Variants in NALF1 observed in about 807,000 individuals in gnomAD.
NALF1 encodes the protein family with sequence similarity 155 member A.
In NALF1, 3 loss-of-function variants were observed where a neutral mutation model predicts 48.4. That is an observed-to-expected ratio of 0.06 (90% CI 0.03 to 0.16). The LOEUF is 0.16. NALF1 is among the 10% of genes least tolerant of loss of function. The pLI is 1.00. For missense variants in NALF1, 526 were observed against 571.5 expected (o/e 0.92, Z 0.81); for synonymous variants, 262 against 245.7 (o/e 1.07, Z -0.62).
intron 1 of NALF1, among the ~76,000 whole-genome samples, chr13:107,475,094 C>T (rs1195410079): frequency 1.3e-5 from 2 of 152,090 alleles, no homozygotes; most frequent in Non-Finnish European, 2.9e-5. Flanking sequence ...CCAAGAAGGG[C>T]ACTCACATTT....
At chr13:107,412,649 C>T (rs1884012131) in intron 1 of NALF1, among the ~76,000 whole-genome samples, 1 of 152,180 alleles carries the variant, frequency 6.6e-6, no homozygotes, top group Non-Finnish European at 1.5e-5. Flanking sequence ...TTTCATGTCA[C>T]TGTCATATTA....
intron 1 of NALF1, among the ~76,000 whole-genome samples, chr13:107,339,223 TA>T (rs1485241715): frequency 6.6e-6 from 1 of 152,012 alleles, no homozygotes; most frequent in Non-Finnish European, 1.5e-5. Context: ...TTTTATATTT[TA>T]AAAACCTTTA....
At chr13:107,606,335 T>G (rs1879068616) in intron 1 of NALF1, among the ~76,000 whole-genome samples, 1 of 151,306 alleles carries the variant, frequency 6.6e-6, no homozygotes, top group South Asian at 2.1e-4. Flanking sequence ...TTTATATATG[T>G]ATATACACAC....
At chr13:107,815,975 G>A (rs1879151582) in intron 1 of NALF1, among the ~76,000 whole-genome samples, 2 of 152,112 alleles carry the variant, frequency 1.3e-5, no homozygotes, top group Admixed American at 1.3e-4. Context: ...TAGGATTGGG[G>A]GTATTAAAAG....
intron 1 of NALF1, among the ~76,000 whole-genome samples, chr13:107,469,191 G>T (rs991154778): frequency 1.3e-5 from 2 of 151,974 alleles, no homozygotes; most frequent in African/African-American, 4.8e-5. Context: ...ATTCAACAAG[G>T]TATTCTATTT....
At chr13:107,552,676 A>G (rs1198684826) in intron 1 of NALF1, among the ~76,000 whole-genome samples, 1 of 152,148 alleles carries the variant, frequency 6.6e-6, no homozygotes, top group Non-Finnish European at 1.5e-5. Flanking sequence ...TCAAGGCACT[A>G]TAACACATAT....
intron 1 of NALF1, among the ~76,000 whole-genome samples, chr13:107,601,791 A>C (rs1878937054): frequency 1.3e-5 from 2 of 152,132 alleles, no homozygotes; most frequent in South Asian, 4.1e-4. Context: ...AAAAAGGTGG[A>C]AATAGAGTAT....
chr13:107,596,628 A>C (rs1371209205), intron 1 of NALF1, among the ~76,000 whole-genome samples: 1 of 152,152 alleles, frequency 6.6e-6, no homozygotes, highest in East Asian at 1.9e-4. Context: ...CAACGAGAAC[A>C]CATGGATACA....
At position 107,213,729 on chromosome 13, in the gene NALF1, G is replaced by T. The variant is rs774029583; in HGVS notation, c.916-2974C>A. Among the ~76,000 whole-genome samples the T allele has an allele frequency of 2.6e-5, 4 of 152,134 alleles. No individual in the cohort carries two copies. In the East Asian group the frequency reaches 5.8e-4, roughly 22 times the overall value. On this transcript the variant is annotated intron_variant, in intron 1 of 2. Transcript: ENST00000375915. ...TTTCAGAATAAACTGGTAAAAGTTC[G>T]CATGGGAAGTAAACAAAAATTCTTC...
chr13:107,531,457 G>A (rs1876636437), intron 1 of NALF1, among the ~76,000 whole-genome samples: 1 of 152,050 alleles, frequency 6.6e-6, no homozygotes. Flanking sequence ...GCAGATGCCA[G>A]AACCATGGGT....
chr13:107,645,069 T>C (rs1880279396), intron 1 of NALF1, among the ~76,000 whole-genome samples: 1 of 152,154 alleles, frequency 6.6e-6, no homozygotes, highest in Admixed American at 6.6e-5. Flanking sequence ...GAGTTTCCAG[T>C]TTTAGACTAT....
At chr13:107,591,097 C>T (rs1385997481) in intron 1 of NALF1, among the ~76,000 whole-genome samples, 2 of 151,830 alleles carry the variant, frequency 1.3e-5, no homozygotes, top group Admixed American at 6.6e-5. Context: ...GATCCAAATG[C>T]CTAATGGAAG....
At chr13:107,656,422 A>C (rs1457000620) in intron 1 of NALF1, among the ~76,000 whole-genome samples, 2 of 152,152 alleles carry the variant, frequency 1.3e-5, no homozygotes, top group Admixed American at 6.6e-5. Context: ...CAACATCACT[A>C]AAGATCAGGG....
intron 2 of NALF1, among the ~76,000 whole-genome samples, chr13:107,188,246 C>A (rs1193310212): frequency 1.3e-5 from 2 of 152,046 alleles, no homozygotes; most frequent in Non-Finnish European, 2.9e-5. Context: ...TGAATGTTAT[C>A]TATAATTTAC....
At chr13:107,256,464 A>G (rs1352788848) in intron 1 of NALF1, among the ~76,000 whole-genome samples, 3 of 152,228 alleles carry the variant, frequency 2.0e-5, no homozygotes, top group African/African-American at 4.8e-5. Flanking sequence ...TCAATAAACC[A>G]CATTAAATTA....
intron 1 of NALF1, among the ~76,000 whole-genome samples, chr13:107,583,286 G>C (rs1390435172): frequency 6.6e-6 from 1 of 151,980 alleles, no homozygotes; most frequent in Admixed American, 6.6e-5. Flanking sequence ...TGAGTTTAAT[G>C]ATACGCTTCT....
At chr13:107,765,992 T>C (rs1326996444) in intron 1 of NALF1, among the ~76,000 whole-genome samples, 1 of 147,192 alleles carries the variant, frequency 6.8e-6, no homozygotes, top group Non-Finnish European at 1.5e-5. Context: ...AGCTATGTTT[T>C]AGCTGTTTCT....
At chr13:107,564,134 G>C (rs536880237) in intron 1 of NALF1, among the ~76,000 whole-genome samples, 14 of 152,180 alleles carry the variant, frequency 9.2e-5, no homozygotes, top group Non-Finnish European at 8.8e-5. Context: ...TGGAGATAAT[G>C]CACCATCCTG....
chr13:107,692,432 C>T (rs1239189044), intron 1 of NALF1, among the ~76,000 whole-genome samples: 5 of 152,056 alleles, frequency 3.3e-5, no homozygotes. Flanking sequence ...TAGCCAAACA[C>T]AAACTTTTTT....
Sources: gnomAD v4.1 joint callset for allele counts (sites outside exome capture counted in the v4.1 genomes callset) on GRCh38, gnomAD v4.1.1 for gene constraint, MANE v1.5 for transcripts, NCBI Gene and HGNC (gene_info 2026-07-23, HGNC 2026-07-21) for gene names.